GTF2E1: variants seen among roughly 807,000 people sequenced by gnomAD.
GTF2E1 encodes TFIIE alpha subunit.
GTF2E1 carries 14 observed loss-of-function variants against 34.9 expected under a neutral mutation model. That is an observed-to-expected ratio of 0.40 (90% CI 0.27 to 0.63). The LOEUF is 0.63. Among genes scored for constraint, GTF2E1 ranks in the 20% least tolerant of loss-of-function variants. The probability of loss-of-function intolerance (pLI) is 0.39; values close to 1 mark genes in which losing one functional copy is unlikely to be tolerated. For synonymous variants in GTF2E1, 188 were observed against 192.9 expected (o/e 0.97, Z 0.21); for missense variants, 469 against 557.7 (o/e 0.84, Z 1.60).
chr3:120,780,721 G>A (rs2107614680), intron 4 of GTF2E1, among the ~76,000 whole-genome samples: 1 of 152,260 alleles, frequency 6.6e-6, no homozygotes, highest in African/African-American at 2.4e-5. Context: ...GAAAGTAGAT[G>A]CTTTTATCAC....
At chr3:120,748,815 G>A in intron 1 of GTF2E1, among the ~76,000 whole-genome samples, 1 of 152,114 alleles carries the variant, frequency 6.6e-6, no homozygotes, top group South Asian at 2.1e-4. Context: ...CATGGGGATG[G>A]CATTGAATCT....
At chr3:120,777,821 G>A (rs1709414482) in intron 4 of GTF2E1, among the ~76,000 whole-genome samples, 1 of 152,196 alleles carries the variant, frequency 6.6e-6, no homozygotes, top group African/African-American at 2.4e-5. Flanking sequence ...TGCTTTCCGT[G>A]TTCAAGTGAT....
At chr3:120,753,901 G>T (rs1391641336) in intron 2 of GTF2E1, among the ~76,000 whole-genome samples, 2 of 152,168 alleles carry the variant, frequency 1.3e-5, no homozygotes, top group Non-Finnish European at 2.9e-5. Context: ...CCTAGCCTTT[G>T]CACACTAGTC....
intron 2 of GTF2E1, among the ~76,000 whole-genome samples, chr3:120,760,102 T>C (rs1709246921): frequency 6.6e-6 from 1 of 152,218 alleles, no homozygotes; most frequent in Admixed American, 6.5e-5. Flanking sequence ...GTGTCCTCTT[T>C]TATTTCGTTG....
chr3:120,746,479 A>C, intron 1 of GTF2E1, among the ~76,000 whole-genome samples: 1 of 148,742 alleles, frequency 6.7e-6, no homozygotes, highest in African/African-American at 2.5e-5. Context: ...ACAGATCGAG[A>C]CCCTGTCTCC....
At chr3:120,766,999 A>C (rs1709315198) in intron 2 of GTF2E1, among the ~76,000 whole-genome samples, 1 of 152,142 alleles carries the variant, frequency 6.6e-6, no homozygotes, top group African/African-American at 2.4e-5. Context: ...TAAAATGTCA[A>C]ATTTCTTACT....
rs1257279096 is a variant in GTF2E1, at chr3:120,782,747, CTT to C, written c.*1280_*1281del. On this transcript the variant is annotated 3_prime_UTR_variant, in exon 5 of 5. Transcript: ENST00000283875. ...CTAAACATCATTGAAGGCTGTCTCT[CTT>C]TTAATTTTTGTCAGACACAGTATTT... is the stretch of plus-strand genomic sequence containing the variant. The C allele has an allele frequency of 1.3e-5, 2 of 152,158 alleles. No homozygotes were observed. Among genetic ancestry groups the C allele is most frequent in the African/African-American group, 2.4e-5 (1 of 41,434 alleles). The allele number at this position is 152,158 out of a possible 1,614,324, so 9.4% of individuals were successfully genotyped here. A position where few individuals can be genotyped will look rare whatever the true frequency, so the allele number is the denominator to read the frequency against.
At chr3:120,778,529 C>T (rs1709419894) in intron 4 of GTF2E1, among the ~76,000 whole-genome samples, 1 of 152,090 alleles carries the variant, frequency 6.6e-6, no homozygotes, top group African/African-American at 2.4e-5. Flanking sequence ...TTCTGTTTTC[C>T]TTAAACAGTT....
Position 120,742,813 on chromosome 3 carries a change from T to G in GTF2E1, c.-31+19T>G. Reference sequence around the variant, plus strand: ...CGCCTTGGTAAACCTTGTTCCCTGTTCCTTGTTCGGAGTTCCCTGGCCGGG... The same window carrying G: ...CGCCTTGGTAAACCTTGTTCCCTGTGCCTTGTTCGGAGTTCCCTGGCCGGG... On this transcript the variant is annotated intron_variant, in intron 1 of 4. Coordinates refer to ENST00000283875, the MANE Select transcript of GTF2E1 (RefSeq NM_005513.3). 4.6e-6 allele frequency: 2 copies of G among 434,960 alleles called. No individual in the cohort carries two copies. Among genetic ancestry groups the G allele is most frequent in the South Asian group, 4.7e-5 (2 of 42,210 alleles). 26.9% of individuals were successfully genotyped at this position (434,960 alleles called of 1,614,324 possible).
rs950660324 is a variant in GTF2E1, at chr3:120,754,870, C to T, written c.448+3870C>T. ...AATTCAGAGATTATCTAGTTCAACT[C>T]AACAAATAATGTGTATGTGGGTGCA... On this transcript the variant is annotated intron_variant, in intron 2 of 4. Coordinates refer to ENST00000283875, the MANE Select transcript of GTF2E1 (RefSeq NM_005513.3). Among the ~76,000 whole-genome samples the T allele has an allele frequency of 5.9e-5, 9 of 152,130 alleles. No individual in the cohort carries two copies. The East Asian group carries it at 1.3e-3, about 23-fold the overall frequency.
intron 2 of GTF2E1, among the ~76,000 whole-genome samples, chr3:120,763,061 ATAT>A (rs1709278052): frequency 6.6e-6 from 1 of 152,142 alleles, no homozygotes; most frequent in South Asian, 2.1e-4. Context: ...ATGGAGAATA[ATAT>A]TAATAATTTT....
chr3:120,755,083 T>C (rs1296238220), intron 2 of GTF2E1, among the ~76,000 whole-genome samples: 1 of 152,196 alleles, frequency 6.6e-6, no homozygotes, highest in African/African-American at 2.4e-5. Context: ...ATTTTAGTAT[T>C]AGCATAAAGA....
intron 3 of GTF2E1, among the ~76,000 whole-genome samples, chr3:120,771,647 A>G (rs1008116162): frequency 3.3e-5 from 5 of 152,140 alleles, no homozygotes; most frequent in African/African-American, 9.7e-5. Context: ...AAAGAGCTCA[A>G]CAATCAGGCT....
intron 4 of GTF2E1, 65 bp from the exon 5 acceptor site, chr3:120,780,978 C>A: frequency 1.0e-6 from 1 of 1,002,338 alleles, no homozygotes; most frequent in Non-Finnish European, 1.5e-6. Flanking sequence ...AAAATATTGT[C>A]TATATGCTAT....
intron 2 of GTF2E1, among the ~76,000 whole-genome samples, chr3:120,759,270 A>C (rs1244743710): frequency 6.6e-6 from 1 of 152,032 alleles, no homozygotes; most frequent in East Asian, 1.9e-4. Context: ...TCCTTTGCCC[A>C]CTTTTTGATG....
intron 3 of GTF2E1, among the ~76,000 whole-genome samples, 176 bp from the exon 4 acceptor site, chr3:120,776,247 A>C (rs1403580374): frequency 6.6e-6 from 1 of 152,218 alleles, no homozygotes; most frequent in Non-Finnish European, 1.5e-5. Context: ...TAACGCATAC[A>C]ACTTTTACCC....
intron 2 of GTF2E1, among the ~76,000 whole-genome samples, chr3:120,767,244 T>C (rs1218966973): frequency 6.6e-6 from 1 of 152,184 alleles, no homozygotes; most frequent in Non-Finnish European, 1.5e-5. Context: ...GACTGCTTTT[T>C]TTCCTGGACT....
chr3:120,779,809 C>T (rs777035326), intron 4 of GTF2E1, among the ~76,000 whole-genome samples: 2 of 152,066 alleles, frequency 1.3e-5, no homozygotes, highest in East Asian at 1.9e-4. Context: ...AAAATTGAAG[C>T]GGAGAGATGA....
chr3:120,781,035 C>T lies in GTF2E1; in HGVS notation c.893-8C>T. The T allele has an allele frequency of 1.3e-6, 2 of 1,574,560 alleles. No homozygotes were observed. Among genetic ancestry groups the T allele is most frequent in the Non-Finnish European group, 1.7e-6 (2 of 1,156,620 alleles). ...AAGGATATTGACTTTCTGAGTTTTA[C>T]TCCCCAGGGGGCATAGATATGGACG... On this transcript the variant is annotated splice_polypyrimidine_tract_variant and splice_region_variant and intron_variant, in intron 4 of 4. Transcript: ENST00000283875.
Sources: gnomAD v4.1 joint callset for allele counts (sites outside exome capture counted in the v4.1 genomes callset) on GRCh38, gnomAD v4.1.1 for gene constraint, MANE v1.5 for transcripts, NCBI Gene and HGNC (gene_info 2026-07-23, HGNC 2026-07-21) for gene names.